GRID2: variants seen among roughly 807,000 people sequenced by gnomAD.
GRID2 encodes the protein glutamate receptor ionotropic, delta-2.
GRID2 carries 33 observed loss-of-function variants against 114.8 expected under a neutral mutation model. That is an observed-to-expected ratio of 0.29 (90% confidence interval 0.22 to 0.38). GRID2 has a LOEUF of 0.38. Among genes scored for constraint, GRID2 ranks in the 10% least tolerant of loss-of-function variants. The pLI is 1.00. For synonymous variants in GRID2, 505 were observed against 449.9 expected (o/e 1.12, Z -1.55); for missense variants, 1,184 against 1,257.7 (o/e 0.94, Z 0.89).
intron 14 of GRID2, among the ~76,000 whole-genome samples, chr4:93,695,809 C>T (rs1211758197): frequency 1.3e-5 from 2 of 152,180 alleles, no homozygotes; most frequent in African/African-American, 2.4e-5. Flanking sequence ...CTCTCTAAGC[C>T]GCTCAACTTC....
chr4:92,762,387 T>C (rs1216086515), intron 2 of GRID2, among the ~76,000 whole-genome samples: 1 of 152,080 alleles, frequency 6.6e-6, no homozygotes, highest in African/African-American at 2.4e-5. Flanking sequence ...TGAATACTCC[T>C]TTAAATGAAA....
intron 14 of GRID2, among the ~76,000 whole-genome samples, chr4:93,698,719 T>A (rs1206801593): frequency 6.6e-6 from 1 of 152,102 alleles, no homozygotes; most frequent in Non-Finnish European, 1.5e-5. Flanking sequence ...TCTGTAAATT[T>A]GTGTTAGTCC....
chr4:92,943,201 G>A (rs1751314793), intron 2 of GRID2, among the ~76,000 whole-genome samples: 1 of 152,094 alleles, frequency 6.6e-6, no homozygotes, highest in Non-Finnish European at 1.5e-5. Context: ...TCACTTTCAG[G>A]TACACCAATC....
chr4:92,497,774 C>A (rs865909888), intron 1 of GRID2, among the ~76,000 whole-genome samples: 2 of 151,892 alleles, frequency 1.3e-5, no homozygotes, highest in African/African-American at 2.4e-5. Context: ...CTATTGACTT[C>A]TTTTCCACTG....
intron 8 of GRID2, among the ~76,000 whole-genome samples, chr4:93,386,964 T>G (rs897353655): frequency 6.6e-6 from 1 of 152,158 alleles, no homozygotes; most frequent in Non-Finnish European, 1.5e-5. Flanking sequence ...AGTCCTTGAC[T>G]GCAACTCCCG....
chr4:93,013,886 G>A (rs1722426166), intron 2 of GRID2, among the ~76,000 whole-genome samples: 1 of 151,852 alleles, frequency 6.6e-6, no homozygotes, highest in African/African-American at 2.4e-5. Context: ...AAAGCATATT[G>A]TAGGATTAGG....
chr4:92,841,457 A>G (rs1742888627), intron 2 of GRID2, among the ~76,000 whole-genome samples: 1 of 152,056 alleles, frequency 6.6e-6, no homozygotes, highest in Non-Finnish European at 1.5e-5. Flanking sequence ...TTCTAATATT[A>G]TTAGATTGTT....
At chr4:93,488,472 G>A (rs1343622204) in intron 11 of GRID2, among the ~76,000 whole-genome samples, 4 of 151,892 alleles carry the variant, frequency 2.6e-5, no homozygotes, top group African/African-American at 4.8e-5. Context: ...ACTCGTGGTT[G>A]TAATTAAAAT....
At chr4:93,565,039 A>G (rs1428419183) in intron 13 of GRID2, among the ~76,000 whole-genome samples, 4 of 152,142 alleles carry the variant, frequency 2.6e-5, no homozygotes, top group Non-Finnish European at 5.9e-5. Flanking sequence ...AAATCTTAAT[A>G]TAAAACATAT....
At chr4:92,399,131 A>G (rs953492661) in intron 1 of GRID2, among the ~76,000 whole-genome samples, 1 of 152,206 alleles carries the variant, frequency 6.6e-6, no homozygotes, top group Non-Finnish European at 1.5e-5. Context: ...GGAGATATCA[A>G]AAAGGACCCT....
Position 93,075,247 on chromosome 4 carries a change from T to C in GRID2, c.245-9748T>C, listed in dbSNP as rs906316704. Among the ~76,000 whole-genome samples the C allele has an allele frequency of 3.4e-4, 52 of 152,206 alleles. 1 individual carries two copies. The highest frequency in any genetic ancestry group is 1.2e-3 in the African/African-American group (51 of 41,458). Reference sequence around the variant, plus strand: ...TGCAGAAAAAACTTCCAATAAAATCTAACATCCATTCCTGATAACTCTGAA... The same window carrying C: ...TGCAGAAAAAACTTCCAATAAAATCCAACATCCATTCCTGATAACTCTGAA... On this transcript the variant is annotated intron_variant, in intron 2 of 15. Transcript: ENST00000282020.
At chr4:93,103,595 T>C (rs1731905849) in intron 3 of GRID2, among the ~76,000 whole-genome samples, 1 of 152,020 alleles carries the variant, frequency 6.6e-6, no homozygotes, top group African/African-American at 2.4e-5. Flanking sequence ...ATCACTAACA[T>C]CAGGGACGAT....
At chr4:92,674,454 A>C (rs1006616882) in intron 2 of GRID2, among the ~76,000 whole-genome samples, 1 of 152,096 alleles carries the variant, frequency 6.6e-6, no homozygotes, top group African/African-American at 2.4e-5. Flanking sequence ...TTATTTTTAC[A>C]GTTTCAACTT....
At chr4:93,621,578 C>A (rs182349060) in intron 13 of GRID2, among the ~76,000 whole-genome samples, 2 of 152,258 alleles carry the variant, frequency 1.3e-5, no homozygotes, top group African/African-American at 4.8e-5. Context: ...ACTCCATTAC[C>A]TAGTCAGATG....
intron 1 of GRID2, among the ~76,000 whole-genome samples, chr4:92,366,928 A>T (rs1033394966): frequency 1.3e-5 from 2 of 152,028 alleles, no homozygotes; most frequent in African/African-American, 4.8e-5. Context: ...CACATACCTA[A>T]AAATGTCTTT....
chr4:92,341,031 T>C (rs993396402), intron 1 of GRID2, among the ~76,000 whole-genome samples: 1 of 152,110 alleles, frequency 6.6e-6, no homozygotes, highest in Admixed American at 6.6e-5. Flanking sequence ...TCTAATACAA[T>C]ATCACCTCAG....
intron 2 of GRID2, among the ~76,000 whole-genome samples, chr4:93,071,250 T>C (rs1372897274): frequency 6.6e-6 from 1 of 152,082 alleles, no homozygotes; most frequent in South Asian, 2.1e-4. Context: ...AGGACATGTA[T>C]AGTATATCTA....
At chr4:93,778,262 A>C (rs960354537), downstream of GRID2, among the ~76,000 whole-genome samples, 2 of 152,192 alleles carry the variant, frequency 1.3e-5, no homozygotes, top group Admixed American at 1.3e-4. Context: ...GGTTGACTTT[A>C]AAATTAAATG....
intron 13 of GRID2, among the ~76,000 whole-genome samples, chr4:93,583,575 G>A (rs1009425052): frequency 6.6e-6 from 1 of 152,050 alleles, no homozygotes; most frequent in African/African-American, 2.4e-5. Flanking sequence ...ATCCTGGCAA[G>A]TAGTTATATT....
Sources: allele counts gnomAD v4.1 joint callset (sites outside exome capture counted in the v4.1 genomes callset), GRCh38; gene constraint gnomAD v4.1.1; transcripts MANE v1.5; gene names NCBI Gene and HGNC (gene_info 2026-07-23, HGNC 2026-07-21).